FBXO38: variants seen among roughly 807,000 people sequenced by gnomAD.
The protein encoded by FBXO38 is F-box protein 38.
In FBXO38, 53 loss-of-function variants were observed where a neutral mutation model predicts 131.9. The observed-to-expected ratio is 0.40, with a 90% confidence interval of 0.32 to 0.51. The LOEUF (loss-of-function observed/expected upper bound fraction) is 0.51, where lower values mean the gene tolerates loss of function less well. Among genes scored for constraint, FBXO38 ranks in the 20% least tolerant of loss-of-function variants. FBXO38 has a pLI of 0.53. For missense variants in FBXO38, 1,076 were observed against 1,475.6 expected, an observed-to-expected ratio of 0.73 and a Z score of 4.44; for synonymous variants, 452 against 505.6, an observed-to-expected ratio of 0.89 and a Z score of 1.42.
chr5:148,420,873 G>A (rs767024637), intron 12 of FBXO38, among the ~76,000 whole-genome samples: 2 of 151,812 alleles, frequency 1.3e-5, no homozygotes, highest in Non-Finnish European at 2.9e-5. Flanking sequence ...TGCCCAGGCG[G>A]TCTCAACTCC....
intron 19 of FBXO38, 37 bp downstream of exon 19, chr5:148,439,829 C>T (rs748270579): frequency 6.2e-7 from 1 of 1,603,620 alleles, no homozygotes; most frequent in Admixed American, 1.7e-5. Flanking sequence ...CCTTTTGAGT[C>T]ATTTCTCATA....
intron 1 of FBXO38, among the ~76,000 whole-genome samples, chr5:148,390,378 G>A (rs975281591): frequency 1.3e-5 from 2 of 152,154 alleles, no homozygotes; most frequent in Non-Finnish European, 2.9e-5. Context: ...CTATATATAA[G>A]ATAGAGATGT....
chr5:148,410,814 T>G, intron 9 of FBXO38, 49 bp downstream of exon 9: 2 of 1,536,330 alleles, frequency 1.3e-6, no homozygotes, highest in African/African-American at 1.4e-5. Context: ...AGAAATTTAC[T>G]TGACAAACTG....
rs566967135 is a variant in FBXO38, at chr5:148,422,924, C to T, written c.1619-1074C>T. ...ACCTTTTCAGCCTTGTTTTTTCTTT[C>T]GCATCTCTATCACAACACAGATAAC... On this transcript the variant is annotated intron_variant, in intron 12 of 21. Coordinates refer to ENST00000340253, the MANE Select transcript of FBXO38 (RefSeq NM_205836.3). Among the ~76,000 whole-genome samples the T allele has an allele frequency of 5.9e-5, 9 of 152,098 alleles. No homozygotes were observed. In the South Asian group the frequency reaches 1.7e-3, roughly 28 times the overall value.
chr5:148,423,916 C>G, intron 12 of FBXO38, 82 bp from the exon 13 acceptor site: 1 of 1,351,874 alleles, frequency 7.4e-7, no homozygotes, highest in Non-Finnish European at 1.0e-6. Flanking sequence ...CTGTTCAGTT[C>G]TTAGGGCGGC....
chr5:148,439,711 T>C lies in FBXO38; in HGVS notation c.3089T>C (p.Ile1030Thr). ...CCCTACCCCTATCACATCTGTATTA[T>C]CCATGAATTCAGTAACCCTCCCAAT... is the stretch of plus-strand genomic sequence containing the variant. The part of the protein sequence containing the change: ...SGPYPYHICI[I>T]HEFSNPPNVR... The change falls in exon 19 of 22, where the codon ATC becomes ACC. Residue 1030 changes from isoleucine to threonine, a missense_variant. Physicochemically the swap from Ile to Thr is moderately conservative, Grantham distance 89. Transcript: ENST00000340253. The C allele has an allele frequency of 6.2e-7, 1 of 1,611,982 alleles. No individual in the cohort carries two copies. The highest frequency in any genetic ancestry group is 8.5e-7 in the Non-Finnish European group (1 of 1,179,830).
chr5:148,392,584 TG>T (rs2113495443), intron 1 of FBXO38, among the ~76,000 whole-genome samples: 1 of 68,014 alleles, frequency 1.5e-5, no homozygotes, highest in South Asian at 4.6e-4. Context: ...CTTTTCTTTG[TG>T]TGTGTGTGTG....
intron 19 of FBXO38, among the ~76,000 whole-genome samples, chr5:148,440,168 TTG>T (rs1183080569): frequency 6.6e-6 from 1 of 152,234 alleles, no homozygotes; most frequent in African/African-American, 2.4e-5. Context: ...TAAGCACCTT[TTG>T]TGTAGAAGAC....
rs183281511 is a variant in FBXO38, at chr5:148,427,948, G to A, written c.2653+1G>A. 6.6e-7 allele frequency: 1 copy of A among 1,505,826 alleles called. No homozygotes were observed. The highest frequency in any genetic ancestry group is 2.3e-5 in the East Asian group (1 of 43,780). The allele number at this position is 1,505,826 out of a possible 1,614,324, so 93.3% of individuals were successfully genotyped here. ...CATGTACTGCTGGTATCTGAGTCAG[G>A]TATGACAATGCTCCTAGGATTAGCA... On this transcript the variant is annotated splice_donor_variant, in intron 15 of 21. Transcript: ENST00000340253. LOFTEE classifies it high-confidence loss of function.
chr5:148,385,277 CTT>C (rs1757850832), intron 1 of FBXO38, among the ~76,000 whole-genome samples: 1 of 152,094 alleles, frequency 6.6e-6, no homozygotes, highest in African/African-American at 2.4e-5. Context: ...TTGTGTGCCT[CTT>C]TGTTTAAATG....
At chr5:148,404,416 A>G (rs1752325571) in intron 5 of FBXO38, among the ~76,000 whole-genome samples, 1 of 152,214 alleles carries the variant, frequency 6.6e-6, no homozygotes, top group Admixed American at 6.5e-5. Flanking sequence ...AAAGACTTAC[A>G]TGTCTAAGAC....
chr5:148,441,012 C>T (rs1754653553), intron 20 of FBXO38, 112 bp from the exon 21 acceptor site: 1 of 745,116 alleles, frequency 1.3e-6, no homozygotes, highest in Non-Finnish European at 2.4e-6. Flanking sequence ...GATTTGAGGA[C>T]ACCTGACTCA....
intron 13 of FBXO38, among the ~76,000 whole-genome samples, chr5:148,424,967 C>T (rs574386490): frequency 1.3e-4 from 20 of 152,258 alleles, no homozygotes; most frequent in African/African-American, 4.3e-4. Context: ...GCAGATAAAA[C>T]ATTTTTTACA....
At position 148,427,759 on chromosome 5, in the gene FBXO38, A is replaced by G. The variant is rs150399370; in HGVS notation, c.2465A>G (p.Gln822Arg). The change falls in exon 15 of 22, where the codon CAA becomes CGA. Residue 822 changes from glutamine to arginine, a missense_variant. Around this residue, in one of 8 missense-constraint regions of FBXO38, gnomAD observed 213 missense variants for 225.2 expected, o/e 0.95. Transcript: ENST00000340253. Reference protein sequence around the residue: ...RSAFSFRTLPQGGSSGPAHDE... With the variant: ...RSAFSFRTLPRGGSSGPAHDE... ...GCCTTTTCCTTTAGGACTCTGCCAC[A>G]AGGGGGGTCTTCAGGCCCAGCACAT... is the stretch of plus-strand genomic sequence containing the variant. 1,240 of 1,612,552 alleles carry G rather than the reference A, an allele frequency of 7.7e-4. 3 individuals carry two copies. The highest frequency in any genetic ancestry group is 9.8e-4 in the Non-Finnish European group (1,159 of 1,179,188).
At chr5:148,426,873 T>G (rs563984388) in intron 14 of FBXO38, among the ~76,000 whole-genome samples, 3 of 152,192 alleles carry the variant, frequency 2.0e-5, no homozygotes, top group African/African-American at 7.2e-5. Context: ...GCTGACAAAT[T>G]GGTGAGAACA....
chr5:148,423,691 A>G (rs1317609750), intron 12 of FBXO38: 2 of 195,092 alleles, frequency 1.0e-5, no homozygotes, highest in African/African-American at 2.3e-5. Context: ...ATTAATCTGA[A>G]TGGCATCTTT....
intron 2 of FBXO38, among the ~76,000 whole-genome samples, chr5:148,395,338 T>G (rs908109006): frequency 1.3e-5 from 2 of 152,152 alleles, no homozygotes; most frequent in Non-Finnish European, 2.9e-5. Context: ...TGTAAGTGAT[T>G]GTAACTAAGT....
chr5:148,400,688 A>G (rs1376748841), intron 3 of FBXO38, among the ~76,000 whole-genome samples: 3 of 152,018 alleles, frequency 2.0e-5, no homozygotes, highest in Admixed American at 6.6e-5. Flanking sequence ...TTGGATTCTC[A>G]CTCCATCTCT....
At chr5:148,427,181 TC>T in intron 14 of FBXO38, 31 bp from the exon 15 acceptor site, 1 of 1,542,734 alleles carries the variant, frequency 6.5e-7, no homozygotes, top group African/African-American at 1.4e-5. Context: ...TCTTTTCTTT[TC>T]CTCGGGCCGT....
Sources: gnomAD v4.1 joint callset for allele counts (sites outside exome capture counted in the v4.1 genomes callset) on GRCh38, gnomAD v4.1.1 for gene constraint, gnomAD v4.1.1 regional missense constraint, MANE v1.5 for transcripts, NCBI Gene and HGNC (gene_info 2026-07-23, HGNC 2026-07-21) for gene names.